Variants in DIS3L observed in about 807,000 individuals in gnomAD.
The protein encoded by DIS3L is DIS3-like exonuclease 1.
DIS3L carries 100 observed loss-of-function variants against 120.3 expected under a neutral mutation model. That is an observed-to-expected ratio of 0.83 (90% CI 0.71 to 0.98). The LOEUF (loss-of-function observed/expected upper bound fraction) is 0.98. Ranked by LOEUF, DIS3L falls within the 50% of genes least tolerant of loss-of-function variation. The probability of loss-of-function intolerance (pLI) is 0.00; values close to 1 mark genes in which losing one functional copy is unlikely to be tolerated. For missense variants in DIS3L, 1,196 were observed against 1,314.2 expected (o/e 0.91, Z 1.39); for synonymous variants, 426 against 470.6 (o/e 0.91, Z 1.23).
At chr15:66,330,632 C>T (rs1218529530) in intron 14 of DIS3L, 2 of 717,224 alleles carry the variant, frequency 2.8e-6, no homozygotes, top group Non-Finnish European at 3.4e-6. Context: ...GTCTCAGTCA[C>T]ACTGGCCACA....
chr15:66,332,178 G>A (rs1265654827), intron 15 of DIS3L, among the ~76,000 whole-genome samples, 158 bp downstream of exon 15: 4 of 152,170 alleles, frequency 2.6e-5, no homozygotes, highest in South Asian at 2.1e-4. Flanking sequence ...GAAGATTGGA[G>A]GCCAGGGGTG....
In DIS3L at chr15:66,323,670, C is replaced by T. The variant is rs6494566; in HGVS notation, c.1667+85C>T. 1.4e-5 allele frequency: 19 copies of T among 1,402,980 alleles called. No homozygotes were observed. In the South Asian group the frequency reaches 2.0e-4, roughly 15 times the overall value. The allele number at this position is 1,402,980 out of a possible 1,614,324, so 86.9% of individuals were successfully genotyped here. A position where few individuals can be genotyped will look rare whatever the true frequency, so the allele number is the denominator to read the frequency against. On this transcript the variant is annotated intron_variant, in intron 11 of 16. Transcript: ENST00000319212. Reference sequence around the variant, plus strand: ...GCCTGCTTCTGGCCTCATGTTTCTTCTCTGCTATGCCCCACCCCAGCCCTG... The same window carrying T: ...GCCTGCTTCTGGCCTCATGTTTCTTTTCTGCTATGCCCCACCCCAGCCCTG...
At chr15:66,319,605 C>T (rs1006176241) in intron 8 of DIS3L, among the ~76,000 whole-genome samples, 5 of 152,192 alleles carry the variant, frequency 3.3e-5, no homozygotes, top group African/African-American at 1.2e-4. Context: ...CAATTTAATT[C>T]CCCCTGATAT....
At chr15:66,320,460 G>A in intron 8 of DIS3L, 111 bp from the exon 9 acceptor site, 1 of 1,204,990 alleles carries the variant, frequency 8.3e-7, no homozygotes, top group African/African-American at 1.6e-5. Flanking sequence ...ATTTGCACCT[G>A]GCCACTCTCC....
chr15:66,308,873 T>C (rs746768844), intron 4 of DIS3L, 29 bp downstream of exon 4: 1 of 1,595,800 alleles, frequency 6.3e-7, no homozygotes, highest in Non-Finnish European at 8.6e-7. Context: ...TATGTATGAG[T>C]GCTCATTTTC....
chr15:66,298,114 G>A (rs1440163788), intron 2 of DIS3L, among the ~76,000 whole-genome samples: 2 of 148,122 alleles, frequency 1.4e-5, no homozygotes, highest in Non-Finnish European at 3.0e-5. Context: ...GGGAGGCGGA[G>A]GTTGTGGTGA....
At chr15:66,294,769 A>G (rs1171859445) in intron 1 of DIS3L, among the ~76,000 whole-genome samples, 3 of 152,220 alleles carry the variant, frequency 2.0e-5, no homozygotes, top group Non-Finnish European at 4.4e-5. Context: ...TGGCAACACC[A>G]TAAACCACGT....
rs146138070 is a variant in DIS3L at position 66,329,068 on chromosome 15, C to T, written c.2300C>T (p.Ser767Leu). The change falls in exon 13 of 17, where the codon TCG (serine) becomes TTG (leucine). Residue 767 changes from serine (S) to leucine (L), a missense_variant. Transcript: ENST00000319212. ...CGCTCCATGGCCACGCAGGCCATGT[C>T]GAATGCTCTGTACTTCTCCACCGGA... Reference protein sequence around the residue: ...LLRSMATQAMSNALYFSTGSC... With the variant: ...LLRSMATQAMLNALYFSTGSC... The T allele has an allele frequency of 3.3e-5, 53 of 1,614,102 alleles. No individual in the cohort carries two copies. The highest frequency in any genetic ancestry group is 3.7e-5 in the Non-Finnish European group (44 of 1,180,038).
At chr15:66,318,373 A>G (rs2092842868) in intron 7 of DIS3L, 76 bp from the exon 8 acceptor site, 2 of 1,479,940 alleles carry the variant, frequency 1.4e-6, no homozygotes, top group Admixed American at 4.4e-5. Context: ...TCTTTTCCTT[A>G]CTGCTTGAGG....
At chr15:66,299,007 AC>A (rs1305886688) in intron 2 of DIS3L, among the ~76,000 whole-genome samples, 3 of 152,204 alleles carry the variant, frequency 2.0e-5, no homozygotes, top group Admixed American at 2.0e-4. Context: ...AGCCCAGACC[AC>A]CCAGGGAGGC....
At chr15:66,304,102 A>AAAAAAAAAAC (rs2092677925) in intron 2 of DIS3L, among the ~76,000 whole-genome samples, 2 of 148,736 alleles carry the variant, frequency 1.3e-5, no homozygotes, top group Non-Finnish European at 3.0e-5. Context: ...AAAAAAAAAA[A>AAAAAAAAAAC]AAAAAAAAAA....
At position 66,295,057 on chromosome 15, in the gene DIS3L, T is replaced by G; in HGVS notation, c.209T>G (p.Leu70Arg). 6.2e-7 allele frequency: 1 copy of G among 1,614,176 alleles called. No homozygotes were observed. The highest frequency in any genetic ancestry group is 1.1e-5 in the South Asian group (1 of 91,084). Residue 70 changes from leucine (L) to arginine (R), a missense_variant, in exon 2 of 17, where the codon CTT (leucine) becomes CGT (arginine). Coordinates refer to ENST00000319212, the MANE Select transcript of DIS3L (RefSeq NM_001143688.3). The stretch of plus-strand genomic sequence containing the variant: ...GACTGGAAAGTTGTTCAAGATTATC[T>G]TGAGATCCTTGAGTTTCCTGAGTTG... ...IPDWKVVQDY[L>R]EILEFPELKG...
Position 66,293,581 on chromosome 15 carries a change from CG to C in DIS3L, c.-13del. 7.0e-7 allele frequency: 1 copy of C among 1,424,158 alleles called. No individual in the cohort carries two copies. 88.2% of individuals were successfully genotyped at this position (1,424,158 alleles called of 1,614,324 possible). A position where few individuals can be genotyped will look rare whatever the true frequency, so the allele number is the denominator to read the frequency against. On this transcript the variant is annotated 5_prime_UTR_variant, in exon 1 of 17. Transcript: ENST00000319212. Reference sequence around the variant, plus strand: ...GCCGCGCCCGCCACTCCGCGGCCGCCGGGAGACACGCCGCCATGCTGCAGAA... The same window carrying C: ...GCCGCGCCCGCCACTCCGCGGCCGCCGGAGACACGCCGCCATGCTGCAGAA...
intron 7 of DIS3L, among the ~76,000 whole-genome samples, 161 bp from the exon 8 acceptor site, chr15:66,318,288 T>C (rs2092841778): frequency 6.6e-6 from 1 of 152,066 alleles, no homozygotes; most frequent in Non-Finnish European, 1.5e-5. Flanking sequence ...TTGTTGTTAA[T>C]AAAAGCTTCC....
chr15:66,328,903 C>A, intron 12 of DIS3L, 67 bp from the exon 13 acceptor site: 1 of 1,533,036 alleles, frequency 6.5e-7, no homozygotes, highest in Non-Finnish European at 8.8e-7. Context: ...GTGAAGGGTT[C>A]CCCTCAAAGT....
At position 66,320,608 on chromosome 15, in the gene DIS3L, C is replaced by T. The variant is rs778685654; in HGVS notation, c.1202C>T (p.Ser401Leu). ...RVVVRIDSWESTSVYPNGHFV... is the reference protein window; with the variant it reads ...RVVVRIDSWELTSVYPNGHFV... ...GTCGTGCGCATCGATTCCTGGGAGT[C>T]AACATCTGTGTATCCAAATGGACAT... The change falls in exon 9 of 17, where the codon TCA (serine) becomes TTA (leucine). Residue 401 changes from serine (S) to leucine (L), a missense_variant. By Grantham distance (145) the Ser-to-Leu change is moderately radical. Transcript: ENST00000319212. The T allele has an allele frequency of 1.5e-5, 24 of 1,613,882 alleles. No homozygotes were observed. The highest frequency in any genetic ancestry group is 1.9e-5 in the Non-Finnish European group (22 of 1,179,932).
chr15:66,311,631 C>A, intron 4 of DIS3L, 93 bp from the exon 5 acceptor site: 2 of 1,470,764 alleles, frequency 1.4e-6, no homozygotes, highest in Non-Finnish European at 1.9e-6. Flanking sequence ...AGATGGCAGG[C>A]CAGCAATTCC....
intron 2 of DIS3L, among the ~76,000 whole-genome samples, chr15:66,297,743 G>T (rs1239972828): frequency 6.6e-6 from 1 of 152,180 alleles, no homozygotes; most frequent in Non-Finnish European, 1.5e-5. Context: ...GGTTAGGAAA[G>T]TTTTGTCAGT....
chr15:66,309,094 A>AAAAAAAATATATATATATATATATAT, intron 4 of DIS3L, among the ~76,000 whole-genome samples: 18 of 15,296 alleles, frequency 1.2e-3, no homozygotes, highest in Non-Finnish European at 1.6e-3. Flanking sequence ...AAAAAAAAAA[A>AAAAAAAATATATATATATATATATAT]ATATATATAT....
Sources: allele counts gnomAD v4.1 joint callset (sites outside exome capture counted in the v4.1 genomes callset), GRCh38; gene constraint gnomAD v4.1.1; transcripts MANE v1.5; gene names NCBI Gene and HGNC (gene_info 2026-07-23, HGNC 2026-07-21).